YEATS2: variants seen among roughly 807,000 people sequenced by gnomAD.
YEATS2 encodes YEATS domain containing 2, also known as YEATS domain-containing protein 2.
YEATS2 carries 77 observed loss-of-function variants against 163.2 expected under a neutral mutation model. The observed-to-expected ratio is 0.47, with a 90% CI of 0.39 to 0.57. YEATS2 has a LOEUF of 0.57. YEATS2 is among the 20% of genes least tolerant of loss of function. The pLI, the probability that YEATS2 is intolerant of heterozygous loss-of-function variation, is 0.00. For synonymous variants in YEATS2, 631 were observed against 645.1 expected (o/e 0.98, Z 0.33); for missense variants, 1,549 against 1,729.8 (o/e 0.90, Z 1.85).
intron 19 of YEATS2, among the ~76,000 whole-genome samples, chr3:183,785,269 C>T (rs1005026358): frequency 7.9e-5 from 12 of 151,962 alleles, no homozygotes; most frequent in African/African-American, 2.7e-4. Flanking sequence ...GGGCAGATCA[C>T]GAGGTCACGA....
At chr3:183,751,759 C>T (rs1720189050) in intron 9 of YEATS2, among the ~76,000 whole-genome samples, 1 of 152,162 alleles carries the variant, frequency 6.6e-6, no homozygotes, top group African/African-American at 2.4e-5. Flanking sequence ...GTGAGAAAGG[C>T]AGCCATGCAA....
At chr3:183,770,218 T>G (rs997449863) in intron 15 of YEATS2, among the ~76,000 whole-genome samples, 2 of 151,184 alleles carry the variant, frequency 1.3e-5, no homozygotes, top group Non-Finnish European at 3.0e-5. Context: ...GAAACCCCGT[T>G]TCTACTAAAA....
At chr3:183,710,944 G>T (rs538372605) in intron 1 of YEATS2, among the ~76,000 whole-genome samples, 2 of 152,228 alleles carry the variant, frequency 1.3e-5, no homozygotes, top group South Asian at 4.1e-4. Flanking sequence ...GAAGTAGTAT[G>T]GTACAAGGAC....
At chr3:183,699,447 T>A (rs1713832054) in intron 1 of YEATS2, among the ~76,000 whole-genome samples, 1 of 151,560 alleles carries the variant, frequency 6.6e-6, no homozygotes, top group Admixed American at 6.6e-5. Flanking sequence ...GGCGCGGTGC[T>A]CACACCTGAA....
At chr3:183,730,046 T>G (rs2109112432) in intron 7 of YEATS2, among the ~76,000 whole-genome samples, 2 of 72,236 alleles carry the variant, frequency 2.8e-5, no homozygotes, top group Non-Finnish European at 2.7e-5. Flanking sequence ...GTGTGGTTTT[T>G]TGTTTGTTTT....
Position 183,715,155 on chromosome 3 carries a change from A to G in YEATS2, c.-8A>G. The stretch of plus-strand genomic sequence containing the variant: ...TCATTGCTTCACAGTGAAGAACTGA[A>G]TGTCATCATGTCTGGAATCAAGCGA... On this transcript the variant is annotated 5_prime_UTR_variant, in exon 2 of 31. An upstream start codon of the reference 5' UTR is lost. Transcript: ENST00000305135. The G allele has an allele frequency of 1.3e-6, 2 of 1,599,818 alleles. No individual in the cohort carries two copies. The highest frequency in any genetic ancestry group is 1.7e-6 in the Non-Finnish European group (2 of 1,168,352).
At chr3:183,795,870 A>T (rs758300283) in intron 21 of YEATS2, among the ~76,000 whole-genome samples, 43 of 151,780 alleles carry the variant, frequency 2.8e-4, no homozygotes, top group Admixed American at 9.9e-4. Flanking sequence ...CCAAAGAAAG[A>T]TTTTGTTTAT....
chr3:183,792,455 A>C (rs376601571), intron 21 of YEATS2, among the ~76,000 whole-genome samples: 4 of 152,132 alleles, frequency 2.6e-5, no homozygotes, highest in African/African-American at 4.8e-5. Flanking sequence ...AGCTTCATCC[A>C]TGTCCCTGCA....
intron 24 of YEATS2, 140 bp downstream of exon 24, chr3:183,800,708 G>A (rs1429324176): frequency 2.2e-5 from 14 of 648,232 alleles, no homozygotes; most frequent in Non-Finnish European, 1.3e-5. Flanking sequence ...CAGTGGACAA[G>A]TGTTACCACT....
chr3:183,795,026 G>A (rs1725004718), intron 21 of YEATS2, among the ~76,000 whole-genome samples: 1 of 150,908 alleles, frequency 6.6e-6, no homozygotes, highest in African/African-American at 2.4e-5. Flanking sequence ...AAAATTAGCT[G>A]GGCATGGTAG....
Position 183,797,894 on chromosome 3 carries a change from A to C in YEATS2, c.3098-29A>C, listed in dbSNP as rs2304753. 5.0e-6 allele frequency: 8 copies of C among 1,612,988 alleles called. No homozygotes were observed. The Admixed American group carries it at 6.7e-5, about 13-fold the overall frequency. ...ACTTTCCCGAAGCACCTGACCTTCA[A>C]CTTGGCTTTATCTTCCAATTTGTTC... On this transcript the variant is annotated intron_variant, in intron 21 of 30. Transcript: ENST00000305135.
intron 20 of YEATS2, among the ~76,000 whole-genome samples, 177 bp from the exon 21 acceptor site, chr3:183,790,620 G>A (rs969781294): frequency 6.6e-6 from 1 of 152,100 alleles, no homozygotes; most frequent in Non-Finnish European, 1.5e-5. Flanking sequence ...AAATGTAAAG[G>A]TATAGTAACC....
At chr3:183,750,397 A>G (rs1454671659) in intron 9 of YEATS2, among the ~76,000 whole-genome samples, 3 of 152,222 alleles carry the variant, frequency 2.0e-5, no homozygotes, top group Non-Finnish European at 2.9e-5. Flanking sequence ...ACGTAGGTGT[A>G]CAGGTATCTA....
chr3:183,722,276 A>ATATTTTT, intron 5 of YEATS2, 140 bp downstream of exon 5: 1 of 584,284 alleles, frequency 1.7e-6, no homozygotes, highest in African/African-American at 3.6e-5. Flanking sequence ...GGGAAACCAA[A>ATATTTTT]TCTTTTTTTT....
rs1264411507 is a variant in YEATS2 at position 183,762,138 on chromosome 3, C to T, written c.1806C>T (p.Pro602=). The change falls in exon 15 of 31, where the codon CCC becomes CCT. Residue 602 remains proline (P), a synonymous_variant. Coordinates refer to ENST00000305135, the MANE Select transcript of YEATS2 (RefSeq NM_018023.5). ...KQEPGEAPHV[P]ATGAASQSPL... is the part of the protein sequence containing the mutation. ...AACCTGGTGAAGCCCCTCACGTGCC[C>T]GCAACAGGAGCTGCCAGCCAGTCAC... 3.7e-6 allele frequency: 6 copies of T among 1,613,934 alleles called. No homozygotes were observed. The highest frequency in any genetic ancestry group is 2.2e-5 in the East Asian group (1 of 44,888).
At chr3:183,724,086 A>G (rs74463315) in intron 5 of YEATS2, among the ~76,000 whole-genome samples, 1 of 152,206 alleles carries the variant, frequency 6.6e-6, no homozygotes, top group Non-Finnish European at 1.5e-5. Context: ...GGTAAATTCC[A>G]TTGACCCCTT....
intron 20 of YEATS2, 61 bp from the exon 21 acceptor site, chr3:183,790,736 C>T: frequency 5.7e-6 from 9 of 1,569,800 alleles, no homozygotes; most frequent in Non-Finnish European, 7.0e-6. Context: ...CCGTCACCGC[C>T]GTCAGTCATC....
chr3:183,772,444 G>C lies in YEATS2; in HGVS notation c.2087G>C (p.Gly696Ala). The change falls in exon 16 of 31, where the codon GGA becomes GCA. Residue 696 changes from glycine (G) to alanine (A), a missense_variant. Physicochemically the swap from Gly to Ala is moderately conservative, Grantham distance 60. Coordinates refer to ENST00000305135, the MANE Select transcript of YEATS2 (RefSeq NM_018023.5). Reference protein sequence around the residue: ...AVGPKQVVTQGVAKAIVSGGG... With the variant: ...AVGPKQVVTQAVAKAIVSGGG... ...GGGCCAAAGCAAGTTGTAACCCAAGGAGTTGCCAAAGCAATTGTGAGTGGA... is the reference window on the plus strand; with the variant it reads ...GGGCCAAAGCAAGTTGTAACCCAAGCAGTTGCCAAAGCAATTGTGAGTGGA... 6.2e-7 allele frequency: 1 copy of C among 1,614,200 alleles called. No homozygotes were observed. The highest frequency in any genetic ancestry group is 8.5e-7 in the Non-Finnish European group (1 of 1,180,046).
At chr3:183,793,629 T>G (rs1172647271) in intron 21 of YEATS2, 1 of 219,178 alleles carries the variant, frequency 4.6e-6, no homozygotes, top group African/African-American at 2.4e-5. Flanking sequence ...TTTTTTTTTT[T>G]GAGATGGAAT....
Sources: allele counts gnomAD v4.1 joint callset (sites outside exome capture counted in the v4.1 genomes callset), GRCh38; gene constraint gnomAD v4.1.1; transcripts MANE v1.5; gene names NCBI Gene and HGNC (gene_info 2026-07-23, HGNC 2026-07-21).